Variants in TOP6BL observed in about 807,000 individuals in gnomAD.
TOP6BL encodes type 2 DNA topoisomerase 6 subunit B-like.
chr11:66,751,468 T>C, the TOP6BL span, among the ~76,000 whole-genome samples: 1,628 of 151,618 alleles, frequency 0.011, 35 homozygotes, highest in African/African-American at 0.037. Flanking sequence ...GTTGGGATTA[T>C]AGGCGTGAGC....
chr11:66,800,659 G>A, the TOP6BL span: 2 of 1,604,754 alleles, frequency 1.2e-6, no homozygotes, highest in Admixed American at 3.4e-5. Context: ...TCATTTCAGT[G>A]TAAAGGTAAA....
chr11:66,800,209 G>T, the TOP6BL span, among the ~76,000 whole-genome samples: 1 of 152,182 alleles, frequency 6.6e-6, no homozygotes, highest in Non-Finnish European at 1.5e-5. Flanking sequence ...GAATAGAATG[G>T]TGGTTACCAG....
chr11:66,830,830 A>G, the TOP6BL span, among the ~76,000 whole-genome samples: 21 of 152,220 alleles, frequency 1.4e-4, no homozygotes, highest in Non-Finnish European at 1.5e-5. Flanking sequence ...ACCCCTATAT[A>G]CCTGATAGCA....
At chr11:66,787,504 G>A in the TOP6BL span, among the ~76,000 whole-genome samples, 2 of 146,962 alleles carry the variant, frequency 1.4e-5, no homozygotes, top group Non-Finnish European at 3.0e-5. Flanking sequence ...TCGGGAGTTC[G>A]AGACCAGCCT....
the TOP6BL span, chr11:66,828,240 C>T: frequency 5.8e-6 from 9 of 1,552,022 alleles, no homozygotes; most frequent in Non-Finnish European, 8.0e-6. Context: ...TGGAACTCAG[C>T]ATGTTCTATT....
the TOP6BL span, chr11:66,814,000 C>T: frequency 6.2e-7 from 1 of 1,613,138 alleles, no homozygotes; most frequent in Non-Finnish European, 8.5e-7. Flanking sequence ...CAATTTGGAT[C>T]TCAATTTGGA....
At chr11:66,801,797 C>T in the TOP6BL span, among the ~76,000 whole-genome samples, 1 of 152,058 alleles carries the variant, frequency 6.6e-6, no homozygotes, top group Non-Finnish European at 1.5e-5. Flanking sequence ...GATCACGCCA[C>T]TGCACTCCAG....
At chr11:66,835,831 T>C in the TOP6BL span, among the ~76,000 whole-genome samples, 1 of 152,250 alleles carries the variant, frequency 6.6e-6, no homozygotes, top group Non-Finnish European at 1.5e-5. Flanking sequence ...TTTTTTCCAC[T>C]TTTCGGCTAT....
At chr11:66,763,315 G>A in the TOP6BL span, among the ~76,000 whole-genome samples, 1 of 152,120 alleles carries the variant, frequency 6.6e-6, no homozygotes, top group Admixed American at 6.5e-5. Flanking sequence ...CCAACTGTCT[G>A]TATCCTTGGA....
the TOP6BL span, among the ~76,000 whole-genome samples, chr11:66,832,198 C>T: frequency 6.6e-6 from 1 of 151,478 alleles, no homozygotes; most frequent in South Asian, 2.1e-4. Context: ...CCCGGGTTCA[C>T]ACCATTCTCC....
the TOP6BL span, chr11:66,838,574 T>C: frequency 1.4e-5 from 11 of 766,546 alleles, no homozygotes; most frequent in South Asian, 1.9e-4. Context: ...TAGTGGGCTG[T>C]TGCTGCCACT....
the TOP6BL span, among the ~76,000 whole-genome samples, chr11:66,808,942 TTG>T: frequency 7.9e-5 from 12 of 151,944 alleles, no homozygotes; most frequent in East Asian, 2.1e-3. Context: ...TGAGACAGAT[TTG>T]TGTGTGTGTG....
the TOP6BL span, among the ~76,000 whole-genome samples, chr11:66,798,002 C>T: frequency 6.6e-6 from 1 of 152,186 alleles, no homozygotes; most frequent in Non-Finnish European, 1.5e-5. Context: ...TCTTACAACA[C>T]CCCTTGTGAA....
the TOP6BL span, among the ~76,000 whole-genome samples, chr11:66,766,888 T>TA: frequency 1.3e-5 from 2 of 152,228 alleles, no homozygotes; most frequent in African/African-American, 4.8e-5. Flanking sequence ...GAAATGAACT[T>TA]ATTGTGTAAT....
At chr11:66,793,248 G>A in the TOP6BL span, among the ~76,000 whole-genome samples, 5 of 148,908 alleles carry the variant, frequency 3.4e-5, no homozygotes, top group Admixed American at 6.7e-5. Context: ...ATCTGTAATC[G>A]GCTAATTTTT....
the TOP6BL span, chr11:66,788,153 C>G: frequency 6.3e-7 from 1 of 1,589,496 alleles, no homozygotes; most frequent in Non-Finnish European, 8.6e-7. Context: ...CATTTCTTCT[C>G]ACACAGAAAT....
the TOP6BL span, chr11:66,748,267 A>G: frequency 1.2e-6 from 1 of 842,986 alleles, no homozygotes; most frequent in Non-Finnish European, 1.8e-6. Context: ...AGAAGCAAGA[A>G]TACAATTTTT....
chr11:66,761,697 G>C, the TOP6BL span: 2 of 878,092 alleles, frequency 2.3e-6, no homozygotes, highest in Non-Finnish European at 3.7e-6. Flanking sequence ...TGGTCCGCAA[G>C]GAAATCCATT....
chr11:66,781,947 A>G, the TOP6BL span, among the ~76,000 whole-genome samples: 1,023 of 152,080 alleles, frequency 6.7e-3, 12 homozygotes, highest in African/African-American at 0.023. Flanking sequence ...ATCATATTCT[A>G]TATTGTGTTA....
Sources: allele counts gnomAD v4.1 joint callset (sites outside exome capture counted in the v4.1 genomes callset), GRCh38; gene constraint gnomAD v4.1.1; transcripts MANE v1.5; gene names NCBI Gene and HGNC (gene_info 2026-07-23, HGNC 2026-07-21).